Variants in ASAP1 observed in about 807,000 individuals in gnomAD.
ASAP1 encodes the protein arf-GAP with SH3 domain, ANK repeat and PH domain-containing protein 1.
ASAP1 carries 43 observed loss-of-function variants against 145.2 expected under a neutral mutation model. That is an observed-to-expected ratio of 0.30 (90% confidence interval 0.23 to 0.38). The LOEUF is 0.38. Ranked by LOEUF, ASAP1 falls within the 10% of genes least tolerant of loss-of-function variation. The pLI is 1.00. For missense variants in ASAP1, 1,018 were observed against 1,355.3 expected (o/e 0.75, Z 3.91); for synonymous variants, 546 against 515.5 (o/e 1.06, Z -0.80).
chr8:130,379,823 A>C (rs1827683328), intron 2 of ASAP1, among the ~76,000 whole-genome samples: 1 of 152,100 alleles, frequency 6.6e-6, no homozygotes. Context: ...TGCCCTCACT[A>C]ACTCAGTGGC....
At chr8:130,062,193 G>C (rs1207967783) in intron 27 of ASAP1, among the ~76,000 whole-genome samples, 3 of 152,192 alleles carry the variant, frequency 2.0e-5, no homozygotes, top group Non-Finnish European at 4.4e-5. Context: ...CAAGGGCCAA[G>C]GACATAGCCT....
intron 3 of ASAP1, among the ~76,000 whole-genome samples, chr8:130,248,385 G>C (rs1375098347): frequency 6.6e-6 from 1 of 152,154 alleles, no homozygotes; most frequent in African/African-American, 2.4e-5. Context: ...ACAACCACGT[G>C]CATGCCAACA....
chr8:130,275,895 G>A (rs1222695090), intron 3 of ASAP1, among the ~76,000 whole-genome samples: 3 of 152,112 alleles, frequency 2.0e-5, no homozygotes, highest in Admixed American at 1.3e-4. Flanking sequence ...AACGTAAACC[G>A]TTACAACCAA....
chr8:130,135,289 G>A (rs377359300), intron 14 of ASAP1, among the ~76,000 whole-genome samples: 3 of 152,178 alleles, frequency 2.0e-5, no homozygotes, highest in Admixed American at 1.3e-4. Flanking sequence ...CTAGGAGTTC[G>A]AGACCAGCTT....
At chr8:130,180,983 G>A in intron 7 of ASAP1, 103 bp from the exon 8 acceptor site, 1 of 1,011,230 alleles carries the variant, frequency 9.9e-7, no homozygotes, top group Non-Finnish European at 1.4e-6. Context: ...GTGACGATGT[G>A]TCTATGTAGG....
intron 24 of ASAP1, among the ~76,000 whole-genome samples, chr8:130,093,135 G>C (rs2097509121): frequency 6.6e-6 from 1 of 152,082 alleles, no homozygotes; most frequent in African/African-American, 2.4e-5. Flanking sequence ...TTTCTCCAGA[G>C]CTAAAGACAA....
intron 3 of ASAP1, among the ~76,000 whole-genome samples, chr8:130,313,527 C>A (rs1443783603): frequency 6.6e-6 from 1 of 152,094 alleles, no homozygotes; most frequent in Non-Finnish European, 1.5e-5. Flanking sequence ...AACAGACTAC[C>A]CTTGTGGGAT....
chr8:130,060,959 C>T lies in ASAP1; in HGVS notation c.2812G>A (p.Asp938Asn). 6.3e-7 allele frequency: 1 copy of T among 1,599,404 alleles called. No individual in the cohort carries two copies. The change falls in exon 28 of 30, where the codon GAC (aspartate) becomes AAC (asparagine). Residue 938 changes from aspartate (D) to asparagine (N), a missense_variant. By Grantham distance (23) the Asp-to-Asn change is conservative. Around this residue, in one of 9 missense-constraint regions of ASAP1, gnomAD observed 38 missense variants for 77.2 expected, o/e 0.49. Transcript: ENST00000518721. ...AGTTCTGTGGGCTTTGGGGGCAGGTCTCCAGGTGGTGGCTTTTGTGGCAAC... is the reference window on the plus strand; with the variant it reads ...AGTTCTGTGGGCTTTGGGGGCAGGTTTCCAGGTGGTGGCTTTTGTGGCAAC... ...AELPQKPPPG[D>N]LPPKPTELAP...
chr8:130,107,561 T>TGTATGTA (rs1264499110), intron 24 of ASAP1, among the ~76,000 whole-genome samples: 62 of 146,410 alleles, frequency 4.2e-4, no homozygotes, highest in South Asian at 8.7e-4. Context: ...TATGTATGTA[T>TGTATGTA]TTTTGAGATA....
At chr8:130,421,229 G>T (rs1034219962) in intron 1 of ASAP1, among the ~76,000 whole-genome samples, 1 of 152,310 alleles carries the variant, frequency 6.6e-6, no homozygotes, top group South Asian at 2.1e-4. Context: ...AGAGTTGGGA[G>T]GGACTTTGGA....
chr8:130,258,390 TAC>T (rs769612938), intron 3 of ASAP1, among the ~76,000 whole-genome samples: 24 of 152,246 alleles, frequency 1.6e-4, no homozygotes, highest in Admixed American at 4.6e-4. Context: ...AAGTTAAATG[TAC>T]ACTCTAGCTG....
chr8:130,070,124 C>T (rs1158096394), intron 27 of ASAP1, among the ~76,000 whole-genome samples: 1 of 151,742 alleles, frequency 6.6e-6, no homozygotes, highest in African/African-American at 2.4e-5. Context: ...GCAAGCTCCG[C>T]CTCCCGGGTT....
At chr8:130,369,149 G>A (rs1329774913) in intron 2 of ASAP1, among the ~76,000 whole-genome samples, 2 of 152,190 alleles carry the variant, frequency 1.3e-5, no homozygotes, top group Non-Finnish European at 1.5e-5. Flanking sequence ...TACAGGTTGA[G>A]TATTCCTTAT....
rs1828251285 is a variant in ASAP1 at position 130,390,938 on chromosome 8, C to CA, written c.59+10946_59+10947insT. 2.8e-5 allele frequency among the ~76,000 whole-genome samples: 4 copies of CA among 145,362 alleles called. No individual in the cohort carries two copies. In the Admixed American group the frequency reaches 2.8e-4, roughly 10 times the overall value. On this transcript the variant is annotated intron_variant, in intron 2 of 29. Transcript: ENST00000518721. ...ATTCCACTTCTGGGTATATATCCCC[C>CA]GCCCCCCCAAAATTGAAAGCAGGAT...
In ASAP1 at chr8:130,178,761, C is replaced by T. The variant is rs1390916828; in HGVS notation, c.746+503G>A. Among the ~76,000 whole-genome samples, 8 of 151,910 alleles carry T rather than the reference C, an allele frequency of 5.3e-5. No homozygotes were observed. The South Asian group carries it at 1.2e-3, about 24-fold the overall frequency. ...AAAATTAACTGGGTGTGGTGGCGTG[C>T]GCCTGTCATCCCAACTACTGGGGAG... is the stretch of plus-strand genomic sequence containing the variant. On this transcript the variant is annotated intron_variant, in intron 9 of 29. Coordinates refer to ENST00000518721, the MANE Select transcript of ASAP1 (RefSeq NM_018482.4).
At chr8:130,423,934 T>C (rs184857362) in intron 1 of ASAP1, among the ~76,000 whole-genome samples, 1 of 152,234 alleles carries the variant, frequency 6.6e-6, no homozygotes, top group African/African-American at 2.4e-5. Flanking sequence ...TGACTGCTAA[T>C]GAGTATGGAT....
intron 13 of ASAP1, among the ~76,000 whole-genome samples, chr8:130,140,037 G>T (rs1248770675): frequency 6.5e-5 from 9 of 138,660 alleles, no homozygotes; most frequent in African/African-American, 2.4e-4. Context: ...TCTCCTTTTT[G>T]TTTTTTTTTT....
chr8:130,369,072 G>C (rs550304163), intron 2 of ASAP1, among the ~76,000 whole-genome samples: 1 of 152,282 alleles, frequency 6.6e-6, no homozygotes, highest in South Asian at 2.1e-4. Flanking sequence ...TTACGTCAAA[G>C]GATTGTTATA....
chr8:130,428,541 C>A (rs1383484497), intron 1 of ASAP1, among the ~76,000 whole-genome samples: 1 of 130,170 alleles, frequency 7.7e-6, no homozygotes, highest in African/African-American at 2.9e-5. Context: ...ACTATCATCA[C>A]CATCATATAA....
Sources: gnomAD v4.1 joint callset for allele counts (sites outside exome capture counted in the v4.1 genomes callset) on GRCh38, gnomAD v4.1.1 for gene constraint, gnomAD v4.1.1 regional missense constraint, MANE v1.5 for transcripts, NCBI Gene and HGNC (gene_info 2026-07-23, HGNC 2026-07-21) for gene names.